The following HAVCR1 variants were observed in gnomAD, a reference collection of about 807,000 sequenced individuals.
HAVCR1 encodes hepatitis A virus cellular receptor 1, also known as T cell immunoglobin domain and mucin domain protein 1.
Under a neutral mutation model 32.0 loss-of-function variants are expected in HAVCR1, and 34 were observed. The observed-to-expected ratio is 1.06, with a 90% CI of 0.81 to 1.42. HAVCR1 has a LOEUF of 1.42. Among genes scored for constraint, HAVCR1 ranks in the 40% most tolerant of loss-of-function variants. The pLI is 0.00. For synonymous variants in HAVCR1, 178 were observed against 170.3 expected (o/e 1.05, Z -0.35); for missense variants, 420 against 442.3 (o/e 0.95, Z 0.45).
the HAVCR1 span, among the ~76,000 whole-genome samples, chr5:157,064,710 T>C: frequency 6.6e-6 from 1 of 151,146 alleles, no homozygotes; most frequent in South Asian, 2.1e-4. Flanking sequence ...CTACTAAAAA[T>C]ACAAAAATTT....
chr5:157,053,113 G>T (rs75090038), intron 3 of HAVCR1, among the ~76,000 whole-genome samples: 1 of 152,092 alleles, frequency 6.6e-6, no homozygotes, highest in South Asian at 2.1e-4. Context: ...GAGACTGGGC[G>T]TGGTGGCTCA....
At chr5:157,050,260 G>A (rs1392166104) in intron 4 of HAVCR1, among the ~76,000 whole-genome samples, 3 of 152,186 alleles carry the variant, frequency 2.0e-5, no homozygotes, top group African/African-American at 4.8e-5. Context: ...GGAGAGTCAC[G>A]TGGGCAGTCT....
At chr5:157,044,839 G>A (rs183477074) in intron 5 of HAVCR1, among the ~76,000 whole-genome samples, 57 of 36,026 alleles carry the variant, frequency 1.6e-3, no homozygotes, top group Middle Eastern at 0.014. Flanking sequence ...AGCACGGACC[G>A]GAGTCAATAA....
At chr5:157,036,853 G>T (rs971078722) in intron 7 of HAVCR1, among the ~76,000 whole-genome samples, 4 of 150,564 alleles carry the variant, frequency 2.7e-5, no homozygotes, top group East Asian at 3.9e-4. Flanking sequence ...TTTTTTAATG[G>T]TTTTTTTGTT....
Position 157,029,512 on chromosome 5 carries a change from C to A in HAVCR1, c.*221G>T. ...AACTGCAATGATCAGAAGGATTGAG[C>A]CAGTTTTAGCATAAAAAATTAGGAC... On this transcript the variant is annotated 3_prime_UTR_variant, in exon 9 of 9. Transcript: ENST00000523175. The A allele has an allele frequency of 8.2e-6, 9 of 1,091,186 alleles. No individual in the cohort carries two copies. The South Asian group carries it at 1.1e-4, about 14-fold the overall frequency. The allele number at this position is 1,091,186 out of a possible 1,614,324, so 67.6% of individuals were successfully genotyped here. A position where few individuals can be genotyped will look rare whatever the true frequency, so the allele number is the denominator to read the frequency against.
the HAVCR1 span, among the ~76,000 whole-genome samples, chr5:157,065,558 A>G: frequency 6.6e-6 from 1 of 152,192 alleles, no homozygotes; most frequent in East Asian, 1.9e-4. Flanking sequence ...ATCTCTACAT[A>G]AGAATAAATT....
At chr5:157,037,206 T>C (rs762635215) in intron 7 of HAVCR1, 41 bp downstream of exon 7, 1 of 1,010,488 alleles carries the variant, frequency 9.9e-7, no homozygotes, top group South Asian at 1.3e-5. Context: ...AATTTTGCTG[T>C]ACATCCCTTG....
the HAVCR1 span, among the ~76,000 whole-genome samples, chr5:157,066,861 C>T: frequency 6.6e-6 from 1 of 152,014 alleles, no homozygotes; most frequent in African/African-American, 2.4e-5. Context: ...CTGAGGCAGG[C>T]GGATCACTGG....
chr5:157,044,625 G>GAAAGAA lies in HAVCR1; in HGVS notation c.782-1949_782-1944dup, dbSNP rs1432681131. Among the ~76,000 whole-genome samples the GAAAGAA allele has an allele frequency of 3.3e-4, 17 of 51,926 alleles. 1 individual carries two copies. The highest frequency in any genetic ancestry group is 1.2e-3 in the African/African-American group (17 of 14,574). The allele number at this position is 51,926 out of a possible 152,430, so 34.1% of individuals were successfully genotyped here. On this transcript the variant is annotated intron_variant, in intron 5 of 8. Transcript: ENST00000523175. Reference sequence around the variant, plus strand: ...AAAGAAAGAAAGAAAGAGAAAGAAAGAAAGAAAGAAAGAAAGAAAGAAAGA... The same window carrying GAAAGAA: ...AAAGAAAGAAAGAAAGAGAAAGAAAGAAAGAAAAAGAAAGAAAGAAAGAAAGAAAGA...
rs536629204 is a variant in HAVCR1 at position 157,055,832 on chromosome 5, TC to T, written c.47-300del. 2.0e-3 allele frequency among the ~76,000 whole-genome samples: 304 copies of T among 150,330 alleles called. 2 individuals carry two copies. Among genetic ancestry groups the T allele is most frequent in the African/African-American group, 6.5e-3 (266 of 41,100 alleles). On this transcript the variant is annotated intron_variant, in intron 2 of 8. Coordinates refer to ENST00000523175, the MANE Select transcript of HAVCR1 (RefSeq NM_001173393.3). ...GCAAGCTGAGCTCGTGCCACTACAC[TC>T]CAGCCTGGGTGACAGAGCAGACTCT...
chr5:157,055,885 C>A (rs1200802469), intron 2 of HAVCR1, among the ~76,000 whole-genome samples: 3 of 149,960 alleles, frequency 2.0e-5, no homozygotes, highest in Non-Finnish European at 3.0e-5. Flanking sequence ...AAAAAAAATT[C>A]TCTTAATTTT....
In HAVCR1 at chr5:157,035,510, A is replaced by G. The variant is rs138126450; in HGVS notation, c.952+1737T>C. 3.7e-3 allele frequency among the ~76,000 whole-genome samples: 556 copies of G among 152,200 alleles called. 5 individuals are homozygous for G. The highest frequency in any genetic ancestry group is 0.012 in the African/African-American group (513 of 41,522). On this transcript the variant is annotated intron_variant, in intron 7 of 8. Coordinates refer to ENST00000523175, the MANE Select transcript of HAVCR1 (RefSeq NM_001173393.3). Reference sequence around the variant, plus strand: ...AGCCTGGGGTGGTTGCTTTTTGAAGACTTTTGTTTTACTTTTTTAGTCTGT... The same window carrying G: ...AGCCTGGGGTGGTTGCTTTTTGAAGGCTTTTGTTTTACTTTTTTAGTCTGT...
At chr5:157,060,901 A>ATTTT (rs34856460), upstream of HAVCR1, among the ~76,000 whole-genome samples, 1 of 149,178 alleles carries the variant, frequency 6.7e-6, no homozygotes, top group Admixed American at 6.7e-5. Flanking sequence ...GGCATTTTTA[A>ATTTT]TTTTTTTTTT....
Position 157,057,919 on chromosome 5 carries a change from T to G in HAVCR1, c.25A>C (p.Ser9Arg), listed in dbSNP as rs1207445893. The change falls in exon 2 of 9, where the codon AGC becomes CGC. Residue 9 changes from serine (S) to arginine (R), a missense_variant. Physicochemically the swap from Ser to Arg is moderately radical, Grantham distance 110. Transcript: ENST00000523175. ...TTACCTGCCAGATGTAGGATGAGGC[T>G]TAAGATGACCACTTGAGGATGCATT... MHPQVVIL[S>R]LILHLADSVA... The G allele has an allele frequency of 1.2e-6, 2 of 1,613,876 alleles. No homozygotes were observed. Among genetic ancestry groups the G allele is most frequent in the Non-Finnish European group, 1.7e-6 (2 of 1,179,868 alleles).
At chr5:157,044,366 GACGA>G (rs1431329182) in intron 5 of HAVCR1, among the ~76,000 whole-genome samples, 2 of 82,598 alleles carry the variant, frequency 2.4e-5, no homozygotes, top group African/African-American at 9.6e-5. Context: ...AGAAAGAAAG[GACGA>G]AGGAAGGAAG....
Position 157,055,359 on chromosome 5 carries a change from T to C in HAVCR1, c.221A>G (p.Asp74Gly), listed in dbSNP as rs1347499871. The C allele has an allele frequency of 6.2e-7, 1 of 1,613,852 alleles. No homozygotes were observed. The highest frequency in any genetic ancestry group is 1.7e-5 in the Admixed American group (1 of 60,012). ...GTCCCCCAATAGCTTATAGCGTGTG[T>C]CCTTCCGATAGGTGACGTGGGTTCC... ...TNGTHVTYRK[D>G]TRYKLLGDLS... The change falls in exon 3 of 9, where the codon GAC (aspartate) becomes GGC (glycine). Residue 74 changes from aspartate to glycine, a missense_variant. Coordinates refer to ENST00000523175, the MANE Select transcript of HAVCR1 (RefSeq NM_001173393.3).
At chr5:157,034,205 T>C (rs1199588203) in intron 7 of HAVCR1, among the ~76,000 whole-genome samples, 1 of 151,962 alleles carries the variant, frequency 6.6e-6, no homozygotes, top group Non-Finnish European at 1.5e-5. Flanking sequence ...ACTGTCTCAG[T>C]GAGGGGGATG....
intron 5 of HAVCR1, among the ~76,000 whole-genome samples, chr5:157,044,621 GAAAGAAAGAA>G (rs1232644441): frequency 3.2e-3 from 136 of 42,680 alleles, no homozygotes; most frequent in African/African-American, 6.4e-3. Context: ...GAAAGAGAAA[GAAAGAAAGAA>G]AGAAAGAAAG....
intron 8 of HAVCR1, among the ~76,000 whole-genome samples, chr5:157,030,926 T>A (rs1754133707): frequency 1.3e-5 from 2 of 151,910 alleles, no homozygotes; most frequent in South Asian, 4.2e-4. Flanking sequence ...AGTTTAAGTG[T>A]CAATGAGCTC....
Sources: gnomAD v4.1 joint callset for allele counts (sites outside exome capture counted in the v4.1 genomes callset) on GRCh38, gnomAD v4.1.1 for gene constraint, MANE v1.5 for transcripts, NCBI Gene and HGNC (gene_info 2026-07-23, HGNC 2026-07-21) for gene names.